The following WDR27 variants were observed in gnomAD, a reference collection of about 807,000 sequenced individuals.
WDR27 encodes WD repeat domain 27, also known as WD repeat-containing protein 27.
A neutral mutation model predicts 114.4 loss-of-function variants in WDR27; 100 were observed. The observed-to-expected ratio is 0.87, with a 90% CI of 0.74 to 1.03. The LOEUF is 1.03. WDR27 is among the 50% of genes least tolerant of loss of function. The pLI, the probability that WDR27 is intolerant of heterozygous loss-of-function variation, is 0.00. For missense variants in WDR27, 1,129 were observed against 1,092.9 expected (o/e 1.03, Z -0.47); for synonymous variants, 449 against 423.1 (o/e 1.06, Z -0.75).
chr6:169,456,455 G>A (rs1010010348), downstream of WDR27, among the ~76,000 whole-genome samples: 6 of 152,162 alleles, frequency 3.9e-5, no homozygotes, highest in Non-Finnish European at 5.9e-5. The surrounding 1 kb of genome is among the most constrained non-coding windows in gnomAD (Gnocchi z 4.0). Context: ...AGGGCATTCC[G>A]GCTGGTCCCA....
In WDR27 at chr6:169,688,917, G is replaced by A. The variant is rs1376092431; in HGVS notation, c.89C>T (p.Ser30Phe). ...GCAAGCAAGCTGAACATGAGACACA[G>A]ACTCCTTGGATTCAACCAGGTATTT... ...IEKYLVESKESVSHVQLACSM... is the reference protein window; with the variant it reads ...IEKYLVESKEFVSHVQLACSM... Residue 30 changes from serine (S) to phenylalanine (F), a missense_variant, in exon 2 of 26, where the codon TCT becomes TTT. Ser to Phe is a radical substitution (Grantham distance 155). Coordinates refer to ENST00000448612, the MANE Select transcript of WDR27 (RefSeq NM_182552.5). The A allele has an allele frequency of 6.2e-7, 1 of 1,613,958 alleles. No homozygotes were observed.
At chr6:169,663,792 G>A (rs1420311189) in intron 8 of WDR27, 4 of 207,488 alleles carry the variant, frequency 1.9e-5, no homozygotes, top group Non-Finnish European at 3.9e-5. Context: ...AGGTGGGGAC[G>A]TGGAGGGTGC....
chr6:169,653,911 C>T (rs1305926127), intron 13 of WDR27, among the ~76,000 whole-genome samples: 1 of 152,238 alleles, frequency 6.6e-6, no homozygotes, highest in Non-Finnish European at 1.5e-5. Flanking sequence ...ATGGTCTGTA[C>T]TGGTCCCAGG....
At chr6:169,567,936 A>C (rs905503422) in intron 25 of WDR27, among the ~76,000 whole-genome samples, 1 of 152,192 alleles carries the variant, frequency 6.6e-6, no homozygotes, top group Non-Finnish European at 1.5e-5. Flanking sequence ...GCAGACGTAA[A>C]GCTGGGAGGA....
intron 25 of WDR27, among the ~76,000 whole-genome samples, chr6:169,543,979 T>C (rs1024075812): frequency 1.3e-5 from 2 of 152,192 alleles, no homozygotes; most frequent in Admixed American, 6.5e-5. Context: ...AACATCACAG[T>C]TGACCACATC....
At chr6:169,642,575 C>T (rs535217615) in intron 17 of WDR27, among the ~76,000 whole-genome samples, 4 of 152,208 alleles carry the variant, frequency 2.6e-5, no homozygotes, top group Non-Finnish European at 5.9e-5. Flanking sequence ...GCATCCAGGC[C>T]AAGCCCGGAG....
intron 2 of WDR27, among the ~76,000 whole-genome samples, chr6:169,688,493 T>C (rs1783639026): frequency 6.6e-6 from 1 of 152,100 alleles, no homozygotes; most frequent in South Asian, 2.1e-4. Flanking sequence ...TAGTTTATAC[T>C]TCACCGAAAA....
At chr6:169,667,950 C>T (rs374191158) in intron 5 of WDR27, 32 bp downstream of exon 5, 191 of 1,584,900 alleles carry the variant, frequency 1.2e-4, no homozygotes, top group East Asian at 6.0e-4. Flanking sequence ...GCACGTGCCA[C>T]GCGGGAACGC....
intron 25 of WDR27, among the ~76,000 whole-genome samples, chr6:169,486,898 A>T (rs983621054): frequency 6.6e-6 from 1 of 152,208 alleles, no homozygotes; most frequent in Non-Finnish European, 1.5e-5. Context: ...AGGAGGAGTA[A>T]ATCACATCTA....
At chr6:169,681,062 A>G (rs1008029726) in intron 2 of WDR27, among the ~76,000 whole-genome samples, 1 of 152,252 alleles carries the variant, frequency 6.6e-6, no homozygotes, top group Admixed American at 6.5e-5. Context: ...ACTGACATTT[A>G]TAAAACAAAA....
At chr6:169,594,992 T>C (rs751435959) in intron 23 of WDR27, among the ~76,000 whole-genome samples, 36 of 152,178 alleles carry the variant, frequency 2.4e-4, no homozygotes, top group Non-Finnish European at 3.8e-4. Context: ...GACCACATAG[T>C]GAAACCTCAT....
intron 1 of WDR27, among the ~76,000 whole-genome samples, chr6:169,698,731 C>T (rs1786964415): frequency 6.6e-6 from 1 of 152,188 alleles, no homozygotes; most frequent in Non-Finnish European, 1.5e-5. Flanking sequence ...GGTCCTGTCA[C>T]AGCCCGTGCA....
At chr6:169,623,597 G>A (rs1279597353) in intron 21 of WDR27, among the ~76,000 whole-genome samples, 1 of 152,228 alleles carries the variant, frequency 6.6e-6, no homozygotes, top group Non-Finnish European at 1.5e-5. Flanking sequence ...GAGACAGTGA[G>A]GGTCCAGCCA....
Position 169,637,069 on chromosome 6 carries a change from T to C in WDR27, c.1870-565A>G, listed in dbSNP as rs1562769917. Among the ~76,000 whole-genome samples, 4 of 152,344 alleles carry C rather than the reference T, an allele frequency of 2.6e-5. 1 individual carries two copies. In the Middle Eastern group the frequency reaches 0.014, roughly 518 times the overall value. On this transcript the variant is annotated intron_variant, in intron 18 of 25. Coordinates refer to ENST00000448612, the MANE Select transcript of WDR27 (RefSeq NM_182552.5). Reference sequence around the variant, plus strand: ...TCTTTGAAAATTGGACTGCTTTTTATGTTATGTTCTTTGCAAGTCGCCTGC... The same window carrying C: ...TCTTTGAAAATTGGACTGCTTTTTACGTTATGTTCTTTGCAAGTCGCCTGC...
At position 169,659,386 on chromosome 6, in the gene WDR27, C is replaced by T. The variant is rs1268325480; in HGVS notation, c.1197+65G>A. ...TACTCAGCCAGTCGTTACAGGATCA[C>T]TCTGAAGAAAGAAGAAATCAGAGGC... On this transcript the variant is annotated intron_variant, in intron 11 of 25. Coordinates refer to ENST00000448612, the MANE Select transcript of WDR27 (RefSeq NM_182552.5). The surrounding 1 kb of genome is among the most constrained non-coding windows in gnomAD (Gnocchi z 4.3). The T allele has an allele frequency of 3.8e-6, 6 of 1,595,890 alleles. No homozygotes were observed. The South Asian group carries it at 5.6e-5, about 15-fold the overall frequency.
At chr6:169,483,710 GAC>G (rs57809237) in intron 25 of WDR27, among the ~76,000 whole-genome samples, 74 of 149,548 alleles carry the variant, frequency 4.9e-4, no homozygotes, top group African/African-American at 1.6e-3. Context: ...CACACACACA[GAC>G]ACACACACAC....
At position 169,623,304 on chromosome 6, in the gene WDR27, C is replaced by T. The variant is rs576820557; in HGVS notation, c.2223+9643G>A. ...TCGTGATTCACTGACTCCACCCACCCACCAAATTATCCTTAAAAACTCCCA... is the reference window on the plus strand; with the variant it reads ...TCGTGATTCACTGACTCCACCCACCTACCAAATTATCCTTAAAAACTCCCA... On this transcript the variant is annotated intron_variant, in intron 21 of 25. Transcript: ENST00000448612. Among the ~76,000 whole-genome samples, 5 of 152,306 alleles carry T rather than the reference C, an allele frequency of 3.3e-5. No individual in the cohort carries two copies. In the South Asian group the frequency reaches 1.0e-3, roughly 32 times the overall value.
At chr6:169,602,136 C>G (rs1808109897) in intron 23 of WDR27, 83 bp downstream of exon 23, 1 of 1,014,408 alleles carries the variant, frequency 9.9e-7, no homozygotes, top group Admixed American at 2.5e-5. Flanking sequence ...AGGTTTCTAT[C>G]CTAATATGCA....
chr6:169,512,992 C>T (rs1165329828), intron 25 of WDR27, among the ~76,000 whole-genome samples: 1 of 152,182 alleles, frequency 6.6e-6, no homozygotes, highest in East Asian at 1.9e-4. Flanking sequence ...ATAAAGAATA[C>T]ATTAAAAAAT....
Sources: allele counts gnomAD v4.1 joint callset (sites outside exome capture counted in the v4.1 genomes callset), GRCh38; gene constraint gnomAD v4.1.1; non-coding constraint Gnocchi (gnomAD v3.1); transcripts MANE v1.5; gene names NCBI Gene and HGNC (gene_info 2026-07-23, HGNC 2026-07-21).